PARP14: variants seen among roughly 807,000 people sequenced by gnomAD.
The protein encoded by PARP14 is poly(ADP-ribose) polymerase family member 14, also known as protein mono-ADP-ribosyltransferase PARP14.
Under a neutral mutation model 154.2 loss-of-function variants are expected in PARP14, and 59 were observed. That is an observed-to-expected ratio of 0.38 (90% CI 0.31 to 0.48). The LOEUF is 0.48. Among genes scored for constraint, PARP14 ranks in the 20% least tolerant of loss-of-function variants. The probability of loss-of-function intolerance (pLI) is 0.98; values close to 1 mark genes in which losing one functional copy is unlikely to be tolerated. For missense variants in PARP14, 1,734 were observed against 2,131.6 expected, an observed-to-expected ratio of 0.81 and a Z score of 3.67; for synonymous variants, 720 against 780.5, an observed-to-expected ratio of 0.92 and a Z score of 1.29.
chr3:122,722,337 T>A (rs372157991), intron 15 of PARP14: 1 of 152,218 alleles, frequency 6.6e-6, no homozygotes, highest in Non-Finnish European at 1.5e-5. Context: ...ATTTCTGAGA[T>A]AACAAGTAAG....
Position 122,700,491 on chromosome 3 carries a change from T to C in PARP14, c.1937T>C (p.Ile646Thr). The change falls in exon 6 of 17, where the codon ATC becomes ACC. Residue 646 changes from isoleucine (I) to threonine (T), a missense_variant. This residue lies in a region of PARP14 where 1,646 missense variants were observed against 1,976.0 expected (regional missense o/e 0.83). Coordinates refer to ENST00000474629, the MANE Select transcript of PARP14 (RefSeq NM_017554.3). Reference protein sequence around the residue: ...ELTSETTAEVIITGCVKEVNE... With the variant: ...ELTSETTAEVTITGCVKEVNE... ...ACTTCAGAAACCACAGCTGAAGTCATCATTACAGGCTGTGTAAAAGAAGTA... is the reference window on the plus strand; with the variant it reads ...ACTTCAGAAACCACAGCTGAAGTCACCATTACAGGCTGTGTAAAAGAAGTA... The C allele has an allele frequency of 6.2e-7, 1 of 1,611,456 alleles. No homozygotes were observed. Among genetic ancestry groups the C allele is most frequent in the Non-Finnish European group, 8.5e-7 (1 of 1,178,536 alleles).
rs1396888837 is a variant in PARP14 at position 122,701,471 on chromosome 3, G to T, written c.2917G>T (p.Ala973Ser). The change falls in exon 6 of 17, where the codon GCT becomes TCT. Residue 973 changes from alanine to serine, a missense_variant. Around this residue, in one of 2 missense-constraint regions of PARP14, gnomAD observed 1,646 missense variants for 1,976.0 expected, o/e 0.83. Coordinates refer to ENST00000474629, the MANE Select transcript of PARP14 (RefSeq NM_017554.3). The surrounding 1 kb of genome is among the most constrained non-coding windows in gnomAD (Gnocchi z 4.0). ...GAAGACTGTTGAGGCCTTTGCAGAA[G>T]CTGTGAAAACTGTATTTAAAGCCAC... The part of the protein sequence containing the change: ...SEKTVEAFAE[A>S]VKTVFKATLP... 3 of 1,613,898 alleles carry T rather than the reference G, an allele frequency of 1.9e-6. No individual in the cohort carries two copies. Among genetic ancestry groups the T allele is most frequent in the African/African-American group, 2.7e-5 (2 of 74,938 alleles).
chr3:122,697,207 G>A (rs1378875193), intron 5 of PARP14, among the ~76,000 whole-genome samples: 1 of 152,134 alleles, frequency 6.6e-6, no homozygotes, highest in Non-Finnish European at 1.5e-5. Flanking sequence ...TCCCTCCTTT[G>A]CCTCCTAAAG....
intron 14 of PARP14, 39 bp from the exon 15 acceptor site, chr3:122,720,216 G>C (rs765604260): frequency 1.3e-6 from 2 of 1,596,946 alleles, no homozygotes; most frequent in Non-Finnish European, 1.7e-6. Flanking sequence ...AGAGTGTACC[G>C]GGGATGTATG....
chr3:122,728,128 AT>A, intron 16 of PARP14, 142 bp downstream of exon 16: 3 of 919,654 alleles, frequency 3.3e-6, no homozygotes, highest in Non-Finnish European at 4.9e-6. Flanking sequence ...GACTCACTGT[AT>A]TTCATCCCAA....
At chr3:122,715,628 AT>A (rs1932976893) in intron 12 of PARP14, among the ~76,000 whole-genome samples, 1 of 151,258 alleles carries the variant, frequency 6.6e-6, no homozygotes, top group African/African-American at 2.4e-5. Flanking sequence ...CTATCTATCT[AT>A]CTATCTATCT....
At chr3:122,728,112 G>T in intron 16 of PARP14, 126 bp downstream of exon 16, 2 of 952,974 alleles carry the variant, frequency 2.1e-6, no homozygotes, top group East Asian at 5.2e-5. Context: ...CCGAGTTTCA[G>T]GGTAGGACTC....
intron 7 of PARP14, 94 bp from the exon 8 acceptor site, chr3:122,704,433 T>C: frequency 2.8e-6 from 2 of 706,958 alleles, no homozygotes; most frequent in Non-Finnish European, 4.9e-6. Context: ...CAAAAAGGAG[T>C]ATTCAAGTTC....
chr3:122,718,058 T>C lies in PARP14; in HGVS notation c.4001-13T>C. 1 of 1,610,228 alleles carries C rather than the reference T, an allele frequency of 6.2e-7. No individual in the cohort carries two copies. The highest frequency in any genetic ancestry group is 1.1e-5 in the South Asian group (1 of 90,858). On this transcript the variant is annotated splice_polypyrimidine_tract_variant and intron_variant, in intron 12 of 16. Transcript: ENST00000474629. ...TTTTTGTCCTTCAGCAATTTTATTATTTGCTTTTCCAGGAAATGCCAAACA... is the reference window on the plus strand; with the variant it reads ...TTTTTGTCCTTCAGCAATTTTATTACTTGCTTTTCCAGGAAATGCCAAACA...
rs751782545 is a variant in PARP14 at position 122,701,534 on chromosome 3, G to A, written c.2980G>A (p.Ala994Thr). The change falls in exon 6 of 17, where the codon GCA (alanine) becomes ACA (threonine). Residue 994 changes from alanine to threonine, a missense_variant. Around this residue, in one of 2 missense-constraint regions of PARP14, gnomAD observed 1,646 missense variants for 1,976.0 expected, o/e 0.83. Transcript: ENST00000474629. This position sits in a 1 kb window ranked among gnomAD's most constrained non-coding sequence, Gnocchi z 4.0. ...AGCTGCCCCGCCAGGTTTACCACCA[G>A]CAGCAGCGGGGCCTGGGAAAACATC... ...DTAAPPGLPP[A>T]AAGPGKTSWE... is the part of the protein sequence containing the mutation. The A allele has an allele frequency of 1.2e-6, 2 of 1,612,404 alleles. No individual in the cohort carries two copies. The highest frequency in any genetic ancestry group is 4.5e-5 in the East Asian group (2 of 44,854).
chr3:122,715,141 A>G (rs376665785), intron 12 of PARP14, among the ~76,000 whole-genome samples: 3 of 152,094 alleles, frequency 2.0e-5, no homozygotes, highest in African/African-American at 7.2e-5. Flanking sequence ...CATGGGCAGA[A>G]TGTGCAGTTT....
In PARP14 at chr3:122,685,532, C is replaced by T. The variant is rs552111936; in HGVS notation, c.321+214C>T. Among the ~76,000 whole-genome samples, 55 of 141,186 alleles carry T rather than the reference C, an allele frequency of 3.9e-4. No individual in the cohort carries two copies. The East Asian group carries it at 4.1e-3, about 11-fold the overall frequency. The allele number at this position is 141,186 out of a possible 152,430, so 92.6% of individuals were successfully genotyped here. A position where few individuals can be genotyped will look rare whatever the true frequency, so the allele number is the denominator to read the frequency against. ...GTACTTTTTTTTTTTTTTTTTGAGA[C>T]GGAGTCTCGCTCTGTCAACCAGGCT... On this transcript the variant is annotated intron_variant, in intron 2 of 16. Coordinates refer to ENST00000474629, the MANE Select transcript of PARP14 (RefSeq NM_017554.3).
chr3:122,702,994 AAAAAAAAAAAAAAAAAC>A (rs1267338854), intron 6 of PARP14, among the ~76,000 whole-genome samples: 1 of 53,552 alleles, frequency 1.9e-5, no homozygotes, highest in Non-Finnish European at 2.9e-5. Flanking sequence ...CCTCTCTCTT[AAAAAAAAAAAAAAAAAC>A]AAAAAAAAAA....
At chr3:122,713,395 G>T (rs932679735) in intron 9 of PARP14, 29 bp from the exon 10 acceptor site, 2 of 1,596,110 alleles carry the variant, frequency 1.3e-6, no homozygotes, top group Non-Finnish European at 1.7e-6. Flanking sequence ...GGCTGACTCG[G>T]TTATTGACTT....
rs778118396 is a variant in PARP14 at position 122,681,257 on chromosome 3, C to T, written c.187+187C>T. ...CGAGCGCACCCGGGGCGCTGCGGTT[C>T]CCCGGCGCCCTGCGCTTCCAGGCGC... On this transcript the variant is annotated intron_variant, in intron 1 of 16. Coordinates refer to ENST00000474629, the MANE Select transcript of PARP14 (RefSeq NM_017554.3). This position sits in a 1 kb window ranked among gnomAD's most constrained non-coding sequence, Gnocchi z 5.5. Among the ~76,000 whole-genome samples, 3 of 151,356 alleles carry T rather than the reference C, an allele frequency of 2.0e-5. No homozygotes were observed. The highest frequency in any genetic ancestry group is 2.0e-4 in the Admixed American group (3 of 15,240).
At position 122,701,104 on chromosome 3, in the gene PARP14, C is replaced by T; in HGVS notation, c.2550C>T (p.Asp850=). 6.2e-7 allele frequency: 1 copy of T among 1,613,980 alleles called. No individual in the cohort carries two copies. The highest frequency in any genetic ancestry group is 1.1e-5 in the South Asian group (1 of 91,080). ...AAGPELQADC[D]QIVKREGRLL... ...GCCCTGAGCTCCAGGCCGACTGTGA[C>T]CAGATAGTGAAGAGAGAGGGCAGAC... Residue 850 remains aspartate, a synonymous_variant, in exon 6 of 17, where the codon GAC becomes GAT. Coordinates refer to ENST00000474629, the MANE Select transcript of PARP14 (RefSeq NM_017554.3). This position sits in a 1 kb window ranked among gnomAD's most constrained non-coding sequence, Gnocchi z 4.0.
intron 3 of PARP14, among the ~76,000 whole-genome samples, chr3:122,688,531 G>A (rs762240623): frequency 9.2e-5 from 14 of 152,060 alleles, no homozygotes; most frequent in Non-Finnish European, 1.3e-4. Context: ...TAGGAATTTG[G>A]GTTGTCTACA....
chr3:122,704,852 C>T, intron 8 of PARP14, 104 bp downstream of exon 8: 1 of 646,454 alleles, frequency 1.5e-6, no homozygotes, highest in Non-Finnish European at 2.7e-6. Context: ...TTTCCCCATT[C>T]AGGAAAGTAA....
At chr3:122,691,794 G>C (rs932158114) in intron 3 of PARP14, among the ~76,000 whole-genome samples, 4 of 152,056 alleles carry the variant, frequency 2.6e-5, no homozygotes, top group African/African-American at 9.7e-5. Context: ...TATAAGGCAG[G>C]TTCCTCAAAA....
Sources: allele counts gnomAD v4.1 joint callset (sites outside exome capture counted in the v4.1 genomes callset), GRCh38; gene constraint gnomAD v4.1.1; regional missense constraint gnomAD v4.1.1; non-coding constraint Gnocchi (gnomAD v3.1); transcripts MANE v1.5; gene names NCBI Gene and HGNC (gene_info 2026-07-23, HGNC 2026-07-21).